The following ROBO1 variants were observed in gnomAD, a reference collection of about 807,000 sequenced individuals.
ROBO1 encodes the protein roundabout homolog 1.
Under a neutral mutation model 195.9 loss-of-function variants are expected in ROBO1, and 149 were observed. The ratio of observed to expected loss-of-function variants is 0.76; its 90% CI spans 0.67 to 0.87. ROBO1 has a LOEUF of 0.87. Ranked by LOEUF, ROBO1 falls within the 40% of genes least tolerant of loss-of-function variation. The pLI, the probability that ROBO1 is intolerant of heterozygous loss-of-function variation, is 0.00. For missense variants in ROBO1, 1,933 were observed against 2,068.3 expected, an observed-to-expected ratio of 0.93 and a Z score of 1.27; for synonymous variants, 816 against 733.2, an observed-to-expected ratio of 1.11 and a Z score of -1.82.
intron 1 of ROBO1, among the ~76,000 whole-genome samples, chr3:79,669,652 G>T (rs1946575662): frequency 6.6e-6 from 1 of 151,722 alleles, no homozygotes; most frequent in Non-Finnish European, 1.5e-5. Flanking sequence ...AAGCACTGAA[G>T]CTCACATTTC....
intron 1 of ROBO1, among the ~76,000 whole-genome samples, chr3:79,624,267 C>T (rs558666584): frequency 1.3e-5 from 2 of 152,102 alleles, no homozygotes; most frequent in South Asian, 4.2e-4. Flanking sequence ...AGACCAAAGA[C>T]ACTATGAAGA....
chr3:79,738,234 G>C (rs1703472471), intron 1 of ROBO1, among the ~76,000 whole-genome samples: 1 of 152,112 alleles, frequency 6.6e-6, no homozygotes, highest in African/African-American at 2.4e-5. Flanking sequence ...CCACCAAGTA[G>C]AGAAACAGTT....
At chr3:79,342,499 T>C (rs1255851287) in intron 2 of ROBO1, among the ~76,000 whole-genome samples, 23 of 152,336 alleles carry the variant, frequency 1.5e-4, no homozygotes, top group Non-Finnish European at 4.4e-5. Flanking sequence ...TTCACATTTC[T>C]GTACTACATA....
chr3:78,813,872 C>A (rs565271058), intron 4 of ROBO1, among the ~76,000 whole-genome samples: 104 of 152,044 alleles, frequency 6.8e-4, no homozygotes, highest in Middle Eastern at 3.4e-3. Context: ...TTAGAGGTAG[C>A]CTTAACAACA....
chr3:78,651,781 G>A lies in ROBO1; in HGVS notation c.2763C>T (p.His921=), dbSNP rs753670376. 1 of 1,613,526 alleles carries A rather than the reference G, an allele frequency of 6.2e-7. No homozygotes were observed. Among genetic ancestry groups the A allele is most frequent in the South Asian group, 1.1e-5 (1 of 91,060 alleles). ...LMVFSIWLYR[H]RKKRNGLTST... ...TAGTAAGTCCGTTTCTCTTCTTGCG[G>A]TGTCGATAAAGCCAGATGCTGAAGA... The change falls in exon 19 of 31, where the codon CAC becomes CAT. Residue 921 remains histidine, a synonymous_variant. Coordinates refer to ENST00000464233, the MANE Select transcript of ROBO1 (RefSeq NM_002941.4).
intron 3 of ROBO1, among the ~76,000 whole-genome samples, chr3:79,040,455 AT>A (rs2078466077): frequency 6.6e-6 from 1 of 152,340 alleles, no homozygotes; most frequent in South Asian, 2.1e-4. Flanking sequence ...AAAAAGAATA[AT>A]TTACAAGAAA....
intron 29 of ROBO1, among the ~76,000 whole-genome samples, chr3:78,605,334 A>C (rs1245390357): frequency 6.6e-6 from 1 of 152,094 alleles, no homozygotes; most frequent in African/African-American, 2.4e-5. Flanking sequence ...TCTAAGTATA[A>C]TCATCCTGGA....
At chr3:79,717,297 C>T (rs1161188064) in intron 1 of ROBO1, among the ~76,000 whole-genome samples, 1 of 151,850 alleles carries the variant, frequency 6.6e-6, no homozygotes, top group Non-Finnish European at 1.5e-5. Context: ...TAGATAGCAT[C>T]TCTGAATCTA....
intron 8 of ROBO1, among the ~76,000 whole-genome samples, chr3:78,711,040 A>G (rs551582705): frequency 4.5e-4 from 68 of 152,330 alleles, no homozygotes; most frequent in Non-Finnish European, 8.2e-4. Context: ...ATTCTTTTTA[A>G]AAAATACATT....
chr3:78,616,896 A>G (rs968710849), intron 27 of ROBO1, among the ~76,000 whole-genome samples: 3 of 152,162 alleles, frequency 2.0e-5, no homozygotes, highest in African/African-American at 7.2e-5. Context: ...AGATAAGTAA[A>G]AATATGTTGT....
At chr3:78,943,449 CACA>C (rs1187695976) in intron 3 of ROBO1, among the ~76,000 whole-genome samples, 1 of 152,106 alleles carries the variant, frequency 6.6e-6, no homozygotes, top group East Asian at 1.9e-4. Flanking sequence ...GATGTTTGTA[CACA>C]ACAATTCAGT....
At chr3:79,523,278 TATGTGAGGTAATGTATTTGTTA>T (rs1179061300) in intron 2 of ROBO1, among the ~76,000 whole-genome samples, 2 of 152,054 alleles carry the variant, frequency 1.3e-5, no homozygotes, top group African/African-American at 4.8e-5. Flanking sequence ...CTAAGATATC[TATGTGAGGTAATGTATTTGTTA>T]ATTGGCTAGA....
chr3:78,888,328 G>C (rs1246438169), intron 4 of ROBO1, among the ~76,000 whole-genome samples: 2 of 152,198 alleles, frequency 1.3e-5, no homozygotes, highest in Non-Finnish European at 2.9e-5. Context: ...GATTTACAAA[G>C]TTGGAATTGT....
intron 3 of ROBO1, among the ~76,000 whole-genome samples, chr3:79,044,429 C>T (rs1189825114): frequency 1.3e-5 from 2 of 152,104 alleles, no homozygotes; most frequent in Admixed American, 6.6e-5. Flanking sequence ...GATAAAGTAG[C>T]TGCATTTATT....
intron 4 of ROBO1, among the ~76,000 whole-genome samples, chr3:78,860,401 T>C (rs928667827): frequency 2.0e-5 from 3 of 149,400 alleles, no homozygotes; most frequent in Non-Finnish European, 4.4e-5. Context: ...TCAAATGATG[T>C]CCCTAATTAT....
chr3:78,727,499 C>T (rs1214200669), intron 5 of ROBO1, among the ~76,000 whole-genome samples: 2 of 152,054 alleles, frequency 1.3e-5, no homozygotes, highest in Non-Finnish European at 2.9e-5. Flanking sequence ...GGTGGCGGCA[C>T]CTGTAGTCCC....
intron 3 of ROBO1, among the ~76,000 whole-genome samples, chr3:78,944,734 G>A (rs919415770): frequency 4.6e-5 from 7 of 152,350 alleles, no homozygotes; most frequent in Non-Finnish European, 8.8e-5. Flanking sequence ...CCCAGGAAGC[G>A]CAAGGGGTCA....
At chr3:79,305,279 G>C (rs2033163373) in intron 2 of ROBO1, among the ~76,000 whole-genome samples, 1 of 152,014 alleles carries the variant, frequency 6.6e-6, no homozygotes, top group Non-Finnish European at 1.5e-5. Flanking sequence ...CTGAGGTCAG[G>C]AGTTCAAGAA....
At chr3:79,092,647 G>A (rs1277847475) in intron 3 of ROBO1, among the ~76,000 whole-genome samples, 1 of 151,904 alleles carries the variant, frequency 6.6e-6, no homozygotes, top group Admixed American at 6.6e-5. Context: ...TTATAATAAC[G>A]GTAGCCACAA....
Sources: allele counts gnomAD v4.1 joint callset (sites outside exome capture counted in the v4.1 genomes callset), GRCh38; gene constraint gnomAD v4.1.1; transcripts MANE v1.5; gene names NCBI Gene and HGNC (gene_info 2026-07-23, HGNC 2026-07-21).